MAP3K13: variants seen among roughly 807,000 people sequenced by gnomAD.
MAP3K13 encodes mitogen-activated protein kinase kinase kinase 13, also known as leucine zipper-bearing kinase.
Under a neutral mutation model 104.0 loss-of-function variants are expected in MAP3K13, and 52 were observed. That is an observed-to-expected ratio of 0.50 (90% CI 0.40 to 0.63). The LOEUF is 0.63. Ranked by LOEUF, MAP3K13 falls within the 20% of genes least tolerant of loss-of-function variation. The pLI, the probability that MAP3K13 is intolerant of heterozygous loss-of-function variation, is 0.00. For missense variants in MAP3K13, 914 were observed against 1,218.5 expected (o/e 0.75, Z 3.72); for synonymous variants, 394 against 442.2 (o/e 0.89, Z 1.37).
intron 8 of MAP3K13, among the ~76,000 whole-genome samples, chr3:185,464,618 A>C (rs1158283777): frequency 6.6e-6 from 1 of 152,134 alleles, no homozygotes; most frequent in Non-Finnish European, 1.5e-5. Flanking sequence ...GCCATGCAAA[A>C]CTGTGAGTTA....
chr3:185,373,991 G>A (rs1338154624), intron 1 of MAP3K13, among the ~76,000 whole-genome samples: 1 of 151,684 alleles, frequency 6.6e-6, no homozygotes, highest in Non-Finnish European at 1.5e-5. Flanking sequence ...TGGGGGCAGG[G>A]GGTGGATCTC....
In MAP3K13 at chr3:185,454,756, G is replaced by GATATATATGATATATATGAGAT. The variant is rs1577582805; in HGVS notation, c.1278+3371_1278+3372insTATATATGAGATATATATATGA. 3.3e-4 allele frequency among the ~76,000 whole-genome samples: 4 copies of GATATATATGATATATATGAGAT among 11,990 alleles called. 2 individuals are homozygous for GATATATATGATATATATGAGAT. Among genetic ancestry groups the GATATATATGATATATATGAGAT allele is most frequent in the Non-Finnish European group, 1.2e-3 (4 of 3,452 alleles). 7.9% of individuals were successfully genotyped at this position (11,990 alleles called of 152,430 possible). A position where few individuals can be genotyped will look rare whatever the true frequency, so the allele number is the denominator to read the frequency against. On this transcript the variant is annotated intron_variant, in intron 7 of 13. Transcript: ENST00000265026. Reference sequence around the variant, plus strand: ...TATGATATATATATCATATATATGAGATATATATGACATATATATGAGATA... The same window carrying GATATATATGATATATATGAGAT: ...TATGATATATATATCATATATATGAGATATATATGATATATATGAGATATATATATGACATATATATGAGATA...
chr3:185,451,265 A>G (rs1715864110), intron 6 of MAP3K13, 22 bp from the exon 7 acceptor site: 2 of 1,546,602 alleles, frequency 1.3e-6, no homozygotes, highest in Admixed American at 3.6e-5. Flanking sequence ...TGAAATGCAC[A>G]AACTGTCTTT....
At position 185,420,622 on chromosome 3, in the gene MAP3K13, T is replaced by A. The variant is rs183784059; in HGVS notation, c.-85-7875T>A. 3.3e-3 allele frequency among the ~76,000 whole-genome samples: 503 copies of A among 152,336 alleles called. 5 individuals are homozygous for A. The highest frequency in any genetic ancestry group is 0.011 in the African/African-American group (454 of 41,570). ...TAGCTTAGAAAGAGCTCAGTGTCAA[T>A]CAATAAATCTTGTAGCAATAATGCT... On this transcript the variant is annotated intron_variant, in intron 1 of 13. Transcript: ENST00000265026.
intron 7 of MAP3K13, among the ~76,000 whole-genome samples, chr3:185,452,490 GC>G (rs1301992139): frequency 6.6e-6 from 1 of 152,116 alleles, no homozygotes; most frequent in Non-Finnish European, 1.5e-5. Flanking sequence ...CCCTGCCTCG[GC>G]CTCCCAAACT....
chr3:185,457,903 T>G (rs1716859735), intron 7 of MAP3K13, among the ~76,000 whole-genome samples: 1 of 152,200 alleles, frequency 6.6e-6, no homozygotes, highest in Non-Finnish European at 1.5e-5. Context: ...TCCTGTCACT[T>G]CATACTGTGT....
intron 2 of MAP3K13, among the ~76,000 whole-genome samples, chr3:185,337,033 A>G (rs1486149330): frequency 6.6e-6 from 1 of 152,174 alleles, no homozygotes; most frequent in Non-Finnish European, 1.5e-5. Context: ...TACTTTGAGC[A>G]TGACTCTGTA....
chr3:185,352,385 G>T (rs1042219994), intron 2 of MAP3K13, among the ~76,000 whole-genome samples: 1 of 151,972 alleles, frequency 6.6e-6, no homozygotes, highest in Non-Finnish European at 1.5e-5. Flanking sequence ...CAGAGGTTGT[G>T]GTGAGCCAAG....
intron 1 of MAP3K13, among the ~76,000 whole-genome samples, chr3:185,379,298 G>C (rs909706109): frequency 6.6e-6 from 1 of 152,200 alleles, no homozygotes; most frequent in Non-Finnish European, 1.5e-5. Flanking sequence ...CGGAGTTTTG[G>C]GTCCACGGAT....
At chr3:185,475,354 C>T (rs1391996110) in intron 11 of MAP3K13, among the ~76,000 whole-genome samples, 1 of 152,130 alleles carries the variant, frequency 6.6e-6, no homozygotes, top group Non-Finnish European at 1.5e-5. Context: ...CCACCCAATT[C>T]TAAGTATGGT....
At chr3:185,329,543 G>A (rs776455553) in intron 2 of MAP3K13, among the ~76,000 whole-genome samples, 3 of 152,246 alleles carry the variant, frequency 2.0e-5, no homozygotes, top group Non-Finnish European at 4.4e-5. Flanking sequence ...GTGGCAAGCA[G>A]CCTGAGGTTT....
intron 2 of MAP3K13, among the ~76,000 whole-genome samples, chr3:185,350,414 C>T (rs1376268781): frequency 1.3e-5 from 2 of 152,120 alleles, no homozygotes; most frequent in African/African-American, 4.8e-5. Context: ...CTCAAACTCA[C>T]GACCTCAGAT....
At chr3:185,479,903 A>C (rs552513898) in intron 12 of MAP3K13, among the ~76,000 whole-genome samples, 2 of 152,224 alleles carry the variant, frequency 1.3e-5, no homozygotes, top group South Asian at 2.1e-4. Flanking sequence ...AATGGAGAGA[A>C]TCTCTTCCTC....
intron 1 of MAP3K13, among the ~76,000 whole-genome samples, chr3:185,415,944 A>C (rs1713744731): frequency 6.6e-6 from 1 of 152,170 alleles, no homozygotes; most frequent in Non-Finnish European, 1.5e-5. Context: ...TATTATAGCC[A>C]TGTAGAACCT....
intron 7 of MAP3K13, among the ~76,000 whole-genome samples, chr3:185,453,125 T>C (rs1485705334): frequency 6.6e-6 from 1 of 152,140 alleles, no homozygotes; most frequent in Non-Finnish European, 1.5e-5. Flanking sequence ...TATAAGGCCC[T>C]TATCCCTTCC....
intron 2 of MAP3K13, among the ~76,000 whole-genome samples, chr3:185,304,094 T>C (rs1295985888): frequency 6.6e-6 from 1 of 152,248 alleles, no homozygotes; most frequent in African/African-American, 2.4e-5. Context: ...ATTGAGCATA[T>C]TGTTTATTTT....
intron 2 of MAP3K13, among the ~76,000 whole-genome samples, chr3:185,345,218 CA>C (rs2108725410): frequency 6.7e-6 from 1 of 149,114 alleles, no homozygotes; most frequent in Admixed American, 6.7e-5. Flanking sequence ...TGTTTTCTCT[CA>C]AAAAAGTATA....
intron 2 of MAP3K13, chr3:185,329,329 C>A (rs1405072888): frequency 5.8e-6 from 4 of 690,492 alleles, no homozygotes; most frequent in South Asian, 4.6e-5. Flanking sequence ...GTTGCTTTTC[C>A]TCTGGTTTAG....
At chr3:185,306,310 T>C (rs1478376586) in intron 2 of MAP3K13, among the ~76,000 whole-genome samples, 2 of 152,222 alleles carry the variant, frequency 1.3e-5, no homozygotes, top group African/African-American at 4.8e-5. Context: ...ATGGAATTGC[T>C]AGGTTGAATG....
Sources: allele counts gnomAD v4.1 joint callset (sites outside exome capture counted in the v4.1 genomes callset), GRCh38; gene constraint gnomAD v4.1.1; transcripts MANE v1.5; gene names NCBI Gene and HGNC (gene_info 2026-07-23, HGNC 2026-07-21).